PRKCE: variants seen among roughly 807,000 people sequenced by gnomAD.
The protein encoded by PRKCE is protein kinase C epsilon.
A neutral mutation model predicts 85.4 loss-of-function variants in PRKCE; 16 were observed. That is an observed-to-expected ratio of 0.19 (90% CI 0.13 to 0.28). The LOEUF is 0.28. Among genes scored for constraint, PRKCE ranks in the 10% least tolerant of loss-of-function variants. The pLI, the probability that PRKCE is intolerant of heterozygous loss-of-function variation, is 1.00. For missense variants in PRKCE, 573 were observed against 975.2 expected (o/e 0.59, Z 5.49); for synonymous variants, 388 against 371.5 (o/e 1.04, Z -0.51).
At chr2:45,936,730 A>C (rs1294091824) in intron 2 of PRKCE, among the ~76,000 whole-genome samples, 1 of 152,198 alleles carries the variant, frequency 6.6e-6, no homozygotes, top group African/African-American at 2.4e-5. Flanking sequence ...TAAGCGCCTT[A>C]AGGCCTCATT....
At chr2:46,091,149 G>T (rs559230005) in intron 11 of PRKCE, among the ~76,000 whole-genome samples, 3 of 152,190 alleles carry the variant, frequency 2.0e-5, no homozygotes, top group South Asian at 4.2e-4. Context: ...GGGAAGCAGG[G>T]GGAGGGCTGG....
chr2:45,719,141 G>C (rs576164850), intron 1 of PRKCE, among the ~76,000 whole-genome samples: 1 of 152,232 alleles, frequency 6.6e-6, no homozygotes, highest in South Asian at 2.1e-4. Context: ...ACCTGTGGGC[G>C]GTGCTAGGAT....
At chr2:45,949,936 A>G (rs977242423) in intron 2 of PRKCE, among the ~76,000 whole-genome samples, 1 of 150,472 alleles carries the variant, frequency 6.6e-6, no homozygotes, top group African/African-American at 2.4e-5. Flanking sequence ...TTCTTATCAA[A>G]TTTTTTGTTG....
intron 2 of PRKCE, among the ~76,000 whole-genome samples, chr2:45,861,566 C>A (rs1693164137): frequency 6.6e-6 from 1 of 152,154 alleles, no homozygotes; most frequent in Admixed American, 6.5e-5. Flanking sequence ...GGCTTCAGGT[C>A]CCCAAGACTG....
At chr2:45,881,090 T>C (rs914766282) in intron 2 of PRKCE, among the ~76,000 whole-genome samples, 4 of 149,088 alleles carry the variant, frequency 2.7e-5, no homozygotes, top group Non-Finnish European at 5.9e-5. Context: ...GAGGCGGAGC[T>C]TGCAGTGAGC....
chr2:46,076,080 G>GA (rs1249715237), intron 10 of PRKCE, among the ~76,000 whole-genome samples: 12 of 152,348 alleles, frequency 7.9e-5, no homozygotes, highest in African/African-American at 2.9e-4. Flanking sequence ...TGGAGGAAAA[G>GA]AAAGAGTCTC....
intron 2 of PRKCE, among the ~76,000 whole-genome samples, chr2:45,926,600 A>C (rs1036980410): frequency 5.3e-5 from 8 of 152,216 alleles, no homozygotes; most frequent in Non-Finnish European, 1.2e-4. Flanking sequence ...TCTCCAGTTG[A>C]AAGTCGGAGG....
At chr2:45,984,816 G>A in intron 6 of PRKCE, 136 bp downstream of exon 6, 1 of 1,258,244 alleles carries the variant, frequency 7.9e-7, no homozygotes, top group Non-Finnish European at 1.1e-6. Flanking sequence ...TGTTAATCCT[G>A]CATTAGTAAC....
intron 2 of PRKCE, among the ~76,000 whole-genome samples, chr2:45,946,456 CT>C (rs1321475933): frequency 2.0e-5 from 3 of 152,208 alleles, no homozygotes; most frequent in African/African-American, 7.2e-5. Context: ...AAACATCTGT[CT>C]ATTTGATGGG....
At chr2:45,801,449 A>G (rs979236289) in intron 1 of PRKCE, among the ~76,000 whole-genome samples, 4 of 152,110 alleles carry the variant, frequency 2.6e-5, no homozygotes, top group Non-Finnish European at 4.4e-5. Flanking sequence ...TGGAACAGGA[A>G]GGGGAGCAGT....
intron 2 of PRKCE, among the ~76,000 whole-genome samples, chr2:45,945,166 C>A (rs557889147): frequency 1.3e-5 from 2 of 152,260 alleles, no homozygotes; most frequent in East Asian, 3.9e-4. Context: ...CTGTGTGAGT[C>A]CATTCTTGCC....
chr2:45,960,970 C>T (rs1340442414), intron 2 of PRKCE, among the ~76,000 whole-genome samples: 6 of 152,164 alleles, frequency 3.9e-5, no homozygotes, highest in African/African-American at 1.4e-4. Flanking sequence ...GGGTTGAAAG[C>T]CTGGCACTAA....
intron 1 of PRKCE, among the ~76,000 whole-genome samples, chr2:45,815,620 G>A (rs572375117): frequency 6.6e-6 from 1 of 152,308 alleles, no homozygotes; most frequent in African/African-American, 2.4e-5. Flanking sequence ...AATCCCTCAG[G>A]CAAATGTAAA....
At chr2:46,062,941 T>A (rs1197640685) in intron 10 of PRKCE, among the ~76,000 whole-genome samples, 1 of 152,244 alleles carries the variant, frequency 6.6e-6, no homozygotes, top group Non-Finnish European at 1.5e-5. Context: ...AGCTTATTAA[T>A]GTAGGTTTTC....
intron 1 of PRKCE, among the ~76,000 whole-genome samples, chr2:45,735,667 A>G (rs1335096082): frequency 6.6e-6 from 1 of 152,234 alleles, no homozygotes; most frequent in African/African-American, 2.4e-5. Flanking sequence ...GCAGGAAAGC[A>G]AAGTGTTGGA....
intron 2 of PRKCE, among the ~76,000 whole-genome samples, chr2:45,864,456 T>C (rs920957033): frequency 4.6e-5 from 7 of 151,790 alleles, no homozygotes; most frequent in Non-Finnish European, 5.9e-5. Context: ...TAGTTATTTT[T>C]CACTTGAAAG....
intron 2 of PRKCE, among the ~76,000 whole-genome samples, chr2:45,903,001 G>T (rs938707602): frequency 1.3e-5 from 2 of 152,204 alleles, no homozygotes; most frequent in Non-Finnish European, 2.9e-5. Flanking sequence ...GTGGAATTAT[G>T]TATTTTCCCC....
At chr2:45,671,947 C>T (rs1242554760) in intron 1 of PRKCE, among the ~76,000 whole-genome samples, 3 of 151,604 alleles carry the variant, frequency 2.0e-5, no homozygotes, top group Non-Finnish European at 2.9e-5. Flanking sequence ...CCTGTGGCCC[C>T]GGCTACTTGG....
chr2:45,979,810 G>A (rs754586213), intron 4 of PRKCE, among the ~76,000 whole-genome samples: 1 of 152,108 alleles, frequency 6.6e-6, no homozygotes, highest in Admixed American at 6.5e-5. Context: ...TATTAAAGTC[G>A]ATGGGAATTT....
Sources: gnomAD v4.1 joint callset for allele counts (sites outside exome capture counted in the v4.1 genomes callset) on GRCh38, gnomAD v4.1.1 for gene constraint, MANE v1.5 for transcripts, NCBI Gene and HGNC (gene_info 2026-07-23, HGNC 2026-07-21) for gene names.